MAP3K13: variants seen among roughly 807,000 people sequenced by gnomAD.
MAP3K13 encodes the protein mitogen-activated protein kinase kinase kinase 13.
Under a neutral mutation model 104.0 loss-of-function variants are expected in MAP3K13, and 52 were observed. The ratio of observed to expected loss-of-function variants is 0.50; its 90% CI spans 0.40 to 0.63. The LOEUF is 0.63. Ranked by LOEUF, MAP3K13 falls within the 20% of genes least tolerant of loss-of-function variation. The pLI, the probability that MAP3K13 is intolerant of heterozygous loss-of-function variation, is 0.00. For missense variants in MAP3K13, 914 were observed against 1,218.5 expected (o/e 0.75, Z 3.72); for synonymous variants, 394 against 442.2 (o/e 0.89, Z 1.37).
chr3:185,425,565 T>C (rs1323352452), intron 1 of MAP3K13, among the ~76,000 whole-genome samples: 1 of 152,178 alleles, frequency 6.6e-6, no homozygotes, highest in Non-Finnish European at 1.5e-5. Flanking sequence ...GAATCTAACC[T>C]CTACTTCTAT....
At chr3:185,430,595 T>C (rs1714686055) in intron 2 of MAP3K13, among the ~76,000 whole-genome samples, 1 of 151,724 alleles carries the variant, frequency 6.6e-6, no homozygotes, top group Non-Finnish European at 1.5e-5. Flanking sequence ...GGCGATGGCC[T>C]CTGACTCTGT....
chr3:185,388,472 A>G (rs1274076324), intron 1 of MAP3K13, among the ~76,000 whole-genome samples: 1 of 152,206 alleles, frequency 6.6e-6, no homozygotes, highest in Admixed American at 6.5e-5. Flanking sequence ...ACTGCACTCC[A>G]GCCTAGGTGA....
In MAP3K13 at chr3:185,415,110, T is replaced by C. The variant is rs13097816; in HGVS notation, c.-85-13387T>C. Among the ~76,000 whole-genome samples, 322 of 152,214 alleles carry C rather than the reference T, an allele frequency of 2.1e-3. 1 individual carries two copies. The highest frequency in any genetic ancestry group is 7.0e-3 in the African/African-American group (289 of 41,512). ...AGTCTATTCTTACTAAGCAGCACAC[T>C]ATCCATCACTTCCCAAGTGGCATAT... On this transcript the variant is annotated intron_variant, in intron 1 of 13. Transcript: ENST00000265026.
At chr3:185,437,187 G>A (rs1715087837) in intron 2 of MAP3K13, among the ~76,000 whole-genome samples, 1 of 151,978 alleles carries the variant, frequency 6.6e-6, no homozygotes, top group African/African-American at 2.4e-5. Context: ...TGCAGGAGTG[G>A]TAGGATATGT....
chr3:185,288,338 A>T (rs1720604013), intron 2 of MAP3K13, among the ~76,000 whole-genome samples: 1 of 151,912 alleles, frequency 6.6e-6, no homozygotes, highest in Non-Finnish European at 1.5e-5. Context: ...GTGTACATAG[A>T]TACATAGTAT....
intron 2 of MAP3K13, among the ~76,000 whole-genome samples, chr3:185,433,676 C>T (rs1030740261): frequency 1.3e-5 from 2 of 152,100 alleles, no homozygotes; most frequent in Non-Finnish European, 2.9e-5. Context: ...CTTTCATTAC[C>T]AGTACTATCC....
chr3:185,370,687 C>A (rs1044245229), intron 1 of MAP3K13, among the ~76,000 whole-genome samples: 8 of 149,034 alleles, frequency 5.4e-5, no homozygotes, highest in African/African-American at 2.0e-4. Flanking sequence ...ACTTCAACAC[C>A]TTTAGGCATG....
intron 1 of MAP3K13, among the ~76,000 whole-genome samples, chr3:185,369,203 G>A (rs1724037713): frequency 6.6e-6 from 1 of 152,184 alleles, no homozygotes; most frequent in Admixed American, 6.5e-5. Context: ...GAAAAATAAA[G>A]ATGGGAGGGG....
intron 1 of MAP3K13, among the ~76,000 whole-genome samples, chr3:185,386,706 A>T (rs1711718537): frequency 1.3e-5 from 2 of 152,224 alleles, no homozygotes; most frequent in Non-Finnish European, 1.5e-5. Context: ...TACACCGTGG[A>T]ACACTATGCA....
At chr3:185,411,107 G>A (rs976865832) in intron 1 of MAP3K13, among the ~76,000 whole-genome samples, 1 of 152,008 alleles carries the variant, frequency 6.6e-6, no homozygotes, top group African/African-American at 2.4e-5. Flanking sequence ...AGGGCCCTTG[G>A]TTTTTCCTGG....
intron 1 of MAP3K13, among the ~76,000 whole-genome samples, chr3:185,388,574 G>A (rs920338977): frequency 4.6e-5 from 7 of 152,146 alleles, no homozygotes; most frequent in Non-Finnish European, 7.4e-5. Context: ...CTCATGGATC[G>A]GAAGAATTAA....
intron 1 of MAP3K13, among the ~76,000 whole-genome samples, chr3:185,364,375 C>T (rs1157955829): frequency 5.3e-5 from 8 of 152,182 alleles, no homozygotes; most frequent in Non-Finnish European, 1.5e-5. Context: ...AATAATCTGA[C>T]AGCATTTCCC....
chr3:185,338,620 T>G (rs2108717172), intron 2 of MAP3K13, among the ~76,000 whole-genome samples: 1 of 152,330 alleles, frequency 6.6e-6, no homozygotes, highest in South Asian at 2.1e-4. Context: ...TATATAACAT[T>G]ACCCCTATGC....
In MAP3K13 at chr3:185,346,968, T is replaced by C. The variant is rs575381406; in HGVS notation, c.-86+61325T>C. 1.5e-4 allele frequency among the ~76,000 whole-genome samples: 22 copies of C among 151,040 alleles called. No homozygotes were observed. In the East Asian group the frequency reaches 2.5e-3, roughly 17 times the overall value. On this transcript the variant is annotated intron_variant, in intron 2 of 14. Transcript: ENST00000424227. Reference sequence around the variant, plus strand: ...ATTTTGCACTACTTTTGAACTGAGGTGTTCATAGCACAAAGGAAGTTTTTT... The same window carrying C: ...ATTTTGCACTACTTTTGAACTGAGGCGTTCATAGCACAAAGGAAGTTTTTT...
At chr3:185,447,453 C>T (rs1240350677) in intron 4 of MAP3K13, among the ~76,000 whole-genome samples, 1 of 131,792 alleles carries the variant, frequency 7.6e-6, no homozygotes, top group East Asian at 2.5e-4. Flanking sequence ...GAGATCGTGC[C>T]ATTGCACTCC....
At chr3:185,306,929 C>T (rs1721304164) in intron 2 of MAP3K13, among the ~76,000 whole-genome samples, 2 of 152,168 alleles carry the variant, frequency 1.3e-5, no homozygotes, top group South Asian at 2.1e-4. Context: ...TATTTAAACT[C>T]CTTCAGTTTT....
At chr3:185,387,501 CT>C (rs531011885) in intron 1 of MAP3K13, among the ~76,000 whole-genome samples, 1 of 151,958 alleles carries the variant, frequency 6.6e-6, no homozygotes, top group East Asian at 1.9e-4. Context: ...CCAGGGAAAC[CT>C]TTTTTTAAAA....
At chr3:185,430,959 A>G (rs1714709401) in intron 2 of MAP3K13, among the ~76,000 whole-genome samples, 1 of 152,220 alleles carries the variant, frequency 6.6e-6, no homozygotes, top group Non-Finnish European at 1.5e-5. Context: ...AAGCATGGCT[A>G]GGAAACCTCA....
At chr3:185,415,575 TTC>T (rs372001415) in intron 1 of MAP3K13, among the ~76,000 whole-genome samples, 2,091 of 105,340 alleles carry the variant, frequency 0.02, 59 homozygotes, top group African/African-American at 0.051. Context: ...AAGGGTTAAT[TTC>T]TTTTTTTTTT....
Sources: allele counts gnomAD v4.1 joint callset (sites outside exome capture counted in the v4.1 genomes callset), GRCh38; gene constraint gnomAD v4.1.1; transcripts MANE v1.5; gene names NCBI Gene and HGNC (gene_info 2026-07-23, HGNC 2026-07-21).